ST3GAL6: variants seen among roughly 807,000 people sequenced by gnomAD.
ST3GAL6 encodes the protein type 2 lactosamine alpha-2,3-sialyltransferase.
A neutral mutation model predicts 40.5 loss-of-function variants in ST3GAL6; 31 were observed. The observed-to-expected ratio is 0.77, with a 90% CI of 0.58 to 1.03. The LOEUF (loss-of-function observed/expected upper bound fraction) is 1.03, where lower values mean the gene tolerates loss of function less well. Ranked by LOEUF, ST3GAL6 falls within the 50% of genes least tolerant of loss-of-function variation. The pLI, the probability that ST3GAL6 is intolerant of heterozygous loss-of-function variation, is 0.00. For synonymous variants in ST3GAL6, 129 were observed against 136.9 expected, an observed-to-expected ratio of 0.94 and a Z score of 0.40; for missense variants, 357 against 393.2, an observed-to-expected ratio of 0.91 and a Z score of 0.78.
At chr3:98,740,330 C>CTAAT (rs137867987) in intron 1 of ST3GAL6, among the ~76,000 whole-genome samples, 51,260 of 150,146 alleles carry the variant, frequency 0.34, 9,304 homozygotes, top group African/African-American at 0.44. Flanking sequence ...TTCAAGCTCT[C>CTAAT]TATGACCATC....
In ST3GAL6 at chr3:98,774,458, G is replaced by T. The variant is rs1037421442; in HGVS notation, c.335+475G>T. ...TTACATTTGAAGGACAAATATACTT[G>T]CTTTGATGTTTTCTGACTACAAAAG... On this transcript the variant is annotated intron_variant, in intron 5 of 9. Transcript: ENST00000483910. Among the ~76,000 whole-genome samples, 4 of 152,134 alleles carry T rather than the reference G, an allele frequency of 2.6e-5. No homozygotes were observed. In the East Asian group the frequency reaches 7.7e-4, roughly 29 times the overall value.
At chr3:98,733,333 G>A in intron 1 of ST3GAL6, 2 of 1,140,446 alleles carry the variant, frequency 1.8e-6, no homozygotes, top group Non-Finnish European at 2.2e-6. Context: ...AGGAGCCGTG[G>A]GGGCCGAGAG....
At chr3:98,770,621 G>T in intron 2 of ST3GAL6, 1 of 384,470 alleles carries the variant, frequency 2.6e-6, no homozygotes, top group East Asian at 4.8e-5. Flanking sequence ...AAGGTCCTTT[G>T]AATCATTGCT....
intron 5 of ST3GAL6, among the ~76,000 whole-genome samples, chr3:98,776,745 A>G (rs1294564186): frequency 2.0e-5 from 3 of 152,074 alleles, no homozygotes; most frequent in Non-Finnish European, 2.9e-5. Context: ...CTTGCTTTTT[A>G]TTCTCCTTCC....
chr3:98,787,938 G>C (rs1330150746), intron 6 of ST3GAL6, 98 bp from the exon 7 acceptor site: 7 of 1,050,586 alleles, frequency 6.7e-6, no homozygotes, highest in Non-Finnish European at 9.6e-6. Flanking sequence ...CAGGATAAAA[G>C]GCTGATGTTT....
chr3:98,735,605 T>C (rs1935475705), intron 1 of ST3GAL6, among the ~76,000 whole-genome samples: 1 of 152,232 alleles, frequency 6.6e-6, no homozygotes, highest in South Asian at 2.1e-4. Context: ...ACTCAAGCTA[T>C]ATGTTACCTG....
chr3:98,791,218 T>C (rs1160733280), intron 8 of ST3GAL6, among the ~76,000 whole-genome samples: 2 of 152,196 alleles, frequency 1.3e-5, no homozygotes, highest in East Asian at 1.9e-4. Flanking sequence ...GGATGCTTGG[T>C]TTTTCTTTCT....
chr3:98,786,954 A>G (rs1940777546), intron 6 of ST3GAL6, among the ~76,000 whole-genome samples: 1 of 35,236 alleles, frequency 2.8e-5, no homozygotes, highest in African/African-American at 8.4e-5. Context: ...CATCTGGGAT[A>G]AGTGTGTGTG....
intron 2 of ST3GAL6, chr3:98,770,325 G>A (rs1938835286): frequency 6.6e-6 from 1 of 152,644 alleles, no homozygotes; most frequent in Non-Finnish European, 1.5e-5. Flanking sequence ...CTCCATTCAG[G>A]AGCACACAAG....
Position 98,733,483 on chromosome 3 carries a change from G to A in ST3GAL6, c.-12+951G>A, listed in dbSNP as rs539569635. The A allele has an allele frequency of 5.1e-6, 5 of 988,676 alleles. No homozygotes were observed. In the South Asian group the frequency reaches 2.3e-4, roughly 46 times the overall value. The allele number at this position is 988,676 out of a possible 1,614,324, so 61.2% of individuals were successfully genotyped here. On this transcript the variant is annotated intron_variant, in intron 1 of 9. Transcript: ENST00000265261. Reference sequence around the variant, plus strand: ...GCGAGGAGGGTTGAGGGGTCTGGAAGGTTCTGGTCTCTTACCGTATAAAGT... The same window carrying A: ...GCGAGGAGGGTTGAGGGGTCTGGAAAGTTCTGGTCTCTTACCGTATAAAGT...
Position 98,764,975 on chromosome 3 carries a change from A to G in ST3GAL6, c.-12+1536A>G, listed in dbSNP as rs555430239. On this transcript the variant is annotated intron_variant, in intron 1 of 9. Coordinates refer to ENST00000483910, the MANE Select transcript of ST3GAL6 (RefSeq NM_001323368.2). ...GTCTCTGTATTTCAGAAATTCTTCCATGGTTCTATTGTATTTCTTAGAGCA... is the reference window on the plus strand; with the variant it reads ...GTCTCTGTATTTCAGAAATTCTTCCGTGGTTCTATTGTATTTCTTAGAGCA... 7.2e-4 allele frequency among the ~76,000 whole-genome samples: 110 copies of G among 152,288 alleles called. 2 individuals are homozygous for G. In the Middle Eastern group the frequency reaches 0.02, roughly 28 times the overall value.
At chr3:98,752,356 T>C (rs1377042122) in intron 1 of ST3GAL6, among the ~76,000 whole-genome samples, 1 of 152,172 alleles carries the variant, frequency 6.6e-6, no homozygotes, top group African/African-American at 2.4e-5. Context: ...TTGTGTTACA[T>C]CTTGGTAATC....
chr3:98,746,687 AT>A (rs1301383616), intron 1 of ST3GAL6, among the ~76,000 whole-genome samples: 1 of 151,980 alleles, frequency 6.6e-6, no homozygotes, highest in Non-Finnish European at 1.5e-5. Context: ...AAACAAAATT[AT>A]TTTTTTAATT....
At chr3:98,778,227 A>T (rs767384670) in intron 5 of ST3GAL6, among the ~76,000 whole-genome samples, 7 of 152,228 alleles carry the variant, frequency 4.6e-5, no homozygotes, top group Non-Finnish European at 1.0e-4. Flanking sequence ...CTAAATGGAC[A>T]AGGATTTGTA....
rs3772095 is a variant in ST3GAL6 at position 98,765,975 on chromosome 3, T to G, written c.-11-2455T>G. ...AGGAACCATGTTTATCACAAGGATA[T>G]CCTGGCTGGCCCGTGTCCTTTGCAA... On this transcript the variant is annotated intron_variant, in intron 1 of 9. Transcript: ENST00000483910. Among the ~76,000 whole-genome samples the G allele has an allele frequency of 1.8e-3, 269 of 152,332 alleles. 2 individuals are homozygous for G. The highest frequency in any genetic ancestry group is 0.017 in the East Asian group (87 of 5,178).
chr3:98,791,724 TTC>T, intron 8 of ST3GAL6, 115 bp from the exon 9 acceptor site: 2 of 926,862 alleles, frequency 2.2e-6, no homozygotes, highest in Non-Finnish European at 3.3e-6. Flanking sequence ...GTTTAGTTAT[TTC>T]TCTCCTTATT....
At chr3:98,793,384 T>C (rs1334165163) in intron 9 of ST3GAL6, among the ~76,000 whole-genome samples, 1 of 152,212 alleles carries the variant, frequency 6.6e-6, no homozygotes, top group East Asian at 1.9e-4. Flanking sequence ...ACTCAAAATT[T>C]TGGTCTCCAG....
intron 8 of ST3GAL6, among the ~76,000 whole-genome samples, chr3:98,790,806 T>C (rs567881290): frequency 2.6e-5 from 4 of 151,830 alleles, no homozygotes; most frequent in African/African-American, 9.7e-5. Flanking sequence ...ACTCTTAAGA[T>C]GTGAAGAAAG....
chr3:98,743,378 T>TCTTAAGAGG (rs1184948930), intron 1 of ST3GAL6, among the ~76,000 whole-genome samples: 7 of 152,054 alleles, frequency 4.6e-5, no homozygotes, highest in Admixed American at 2.6e-4. Context: ...TAAAGCAGCC[T>TCTTAAGAGG]CTTAAGAATT....
Sources: gnomAD v4.1 joint callset for allele counts (sites outside exome capture counted in the v4.1 genomes callset) on GRCh38, gnomAD v4.1.1 for gene constraint, MANE v1.5 for transcripts, NCBI Gene and HGNC (gene_info 2026-07-23, HGNC 2026-07-21) for gene names.